AFG1L: variants seen among roughly 807,000 people sequenced by gnomAD.
The protein encoded by AFG1L is AFG1 like ATPase.
In AFG1L, 53 loss-of-function variants were observed where a neutral mutation model predicts 62.2. The ratio of observed to expected loss-of-function variants is 0.85; its 90% CI spans 0.68 to 1.07. The LOEUF (loss-of-function observed/expected upper bound fraction) is 1.07, where lower values mean the gene tolerates loss of function less well. Among genes scored for constraint, AFG1L ranks in the 50% least tolerant of loss-of-function variants. AFG1L has a pLI of 0.00. For missense variants in AFG1L, 555 were observed against 590.5 expected, an observed-to-expected ratio of 0.94 and a Z score of 0.62; for synonymous variants, 228 against 210.3, an observed-to-expected ratio of 1.08 and a Z score of -0.73.
intron 6 of AFG1L, among the ~76,000 whole-genome samples, chr6:108,376,404 G>A (rs984350726): frequency 6.6e-6 from 1 of 151,896 alleles, no homozygotes; most frequent in African/African-American, 2.4e-5. Context: ...ATGTTGGATT[G>A]TTGATTAGTA....
intron 1 of AFG1L, among the ~76,000 whole-genome samples, chr6:108,316,351 A>AG (rs1248217037): frequency 8.9e-6 from 1 of 112,832 alleles, no homozygotes; most frequent in South Asian, 3.8e-4. Context: ...ACTGCACTCC[A>AG]GCCTGGGCGA....
At chr6:108,449,376 AGTC>A (rs1315229917) in intron 8 of AFG1L, among the ~76,000 whole-genome samples, 1 of 152,160 alleles carries the variant, frequency 6.6e-6, no homozygotes, top group East Asian at 1.9e-4. Flanking sequence ...GGCACCCCTC[AGTC>A]AGAGGAGAAG....
chr6:108,356,784 C>T lies in AFG1L; in HGVS notation c.612C>T (p.Ser204=), dbSNP rs752068948. ...TAGCTCCCATAGCCGAAGAAATCAG[C>T]GAAGAAGCATGTCTCCTATGTTTTG... ...DPIAPIAEEI[S]EEACLLCFDE... is the part of the protein sequence containing the mutation. The change falls in exon 5 of 13, where the codon AGC becomes AGT. Residue 204 remains serine (S), a synonymous_variant. Transcript: ENST00000368977. 1.5e-5 allele frequency: 24 copies of T among 1,612,808 alleles called. No homozygotes were observed. Among genetic ancestry groups the T allele is most frequent in the Non-Finnish European group, 1.8e-5 (21 of 1,179,440 alleles).
chr6:108,450,599 T>C (rs1772011652), intron 8 of AFG1L, among the ~76,000 whole-genome samples: 1 of 152,212 alleles, frequency 6.6e-6, no homozygotes, highest in Non-Finnish European at 1.5e-5. Context: ...AGCGCTTTAG[T>C]TTAATTAGAT....
At chr6:108,414,858 C>T (rs186028892) in intron 7 of AFG1L, among the ~76,000 whole-genome samples, 46 of 152,266 alleles carry the variant, frequency 3.0e-4, no homozygotes, top group Admixed American at 9.2e-4. Flanking sequence ...TGAAAACTGG[C>T]ACAAGACAGG....
At chr6:108,513,366 A>T (rs1774741488) in intron 11 of AFG1L, among the ~76,000 whole-genome samples, 1 of 152,192 alleles carries the variant, frequency 6.6e-6, no homozygotes, top group East Asian at 1.9e-4. Flanking sequence ...TTTCCTAGCG[A>T]AGGAAAGGGG....
chr6:108,302,136 G>A lies in AFG1L; in HGVS notation c.139+6918G>A, dbSNP rs562020807. On this transcript the variant is annotated intron_variant, in intron 1 of 12. Transcript: ENST00000368977. ...TAATTTTTGTATTTTTAGTAGAGGC[G>A]GGGTTTCACCATGTTGGCCAGGCTG... is the stretch of plus-strand genomic sequence containing the variant. Among the ~76,000 whole-genome samples, 11 of 152,040 alleles carry A rather than the reference G, an allele frequency of 7.2e-5. 1 individual carries two copies. The East Asian group carries it at 1.9e-3, about 27-fold the overall frequency.
At chr6:108,341,548 CAGG>C (rs1778684166) in intron 2 of AFG1L, among the ~76,000 whole-genome samples, 1 of 152,108 alleles carries the variant, frequency 6.6e-6, no homozygotes, top group Admixed American at 6.5e-5. Context: ...AAGGAGACAG[CAGG>C]TTGGAGAGTT....
intron 11 of AFG1L, among the ~76,000 whole-genome samples, chr6:108,512,863 AT>A (rs1419885737): frequency 1.3e-5 from 2 of 152,224 alleles, no homozygotes; most frequent in African/African-American, 2.4e-5. Flanking sequence ...AATTGGTAGC[AT>A]TAAACAGACA....
intron 11 of AFG1L, among the ~76,000 whole-genome samples, chr6:108,512,922 A>T (rs998112786): frequency 2.6e-5 from 4 of 152,206 alleles, no homozygotes; most frequent in Non-Finnish European, 5.9e-5. Context: ...GGATATACCC[A>T]TGTAAATAAT....
intron 1 of AFG1L, among the ~76,000 whole-genome samples, chr6:108,303,302 C>A (rs982892951): frequency 1.3e-5 from 2 of 152,160 alleles, no homozygotes; most frequent in Admixed American, 6.6e-5. Context: ...CTGCCTTGGC[C>A]TCCCGAAGTG....
At chr6:108,303,788 G>A (rs111670535) in intron 1 of AFG1L, among the ~76,000 whole-genome samples, 2,842 of 152,188 alleles carry the variant, frequency 0.019, 46 homozygotes, top group Middle Eastern at 0.071. Context: ...TTATATATGT[G>A]TGTGTATAAA....
At chr6:108,474,546 G>A (rs12211430) in intron 8 of AFG1L, among the ~76,000 whole-genome samples, 56,719 of 151,940 alleles carry the variant, frequency 0.37, 11,093 homozygotes, top group Non-Finnish European at 0.45. Context: ...ACCAGCATCT[G>A]TTGTTTCTTG....
At chr6:108,482,010 G>A (rs1288750749) in intron 10 of AFG1L, among the ~76,000 whole-genome samples, 12 of 152,302 alleles carry the variant, frequency 7.9e-5, no homozygotes, top group Non-Finnish European at 1.5e-5. Flanking sequence ...GCAAACAAGT[G>A]AAAATTAGAA....
intron 7 of AFG1L, among the ~76,000 whole-genome samples, chr6:108,421,310 ACT>A (rs1770578412): frequency 6.6e-6 from 1 of 152,128 alleles, no homozygotes; most frequent in African/African-American, 2.4e-5. Context: ...TATTGAGGAA[ACT>A]CTAAAAAGCC....
chr6:108,309,094 G>A (rs577488793), intron 1 of AFG1L, among the ~76,000 whole-genome samples: 5 of 152,242 alleles, frequency 3.3e-5, no homozygotes, highest in South Asian at 4.1e-4. Flanking sequence ...TCAAGGTCAC[G>A]AAGGTATTTT....
chr6:108,483,884 C>A (rs1052146109), intron 10 of AFG1L, among the ~76,000 whole-genome samples: 36 of 152,094 alleles, frequency 2.4e-4, no homozygotes, highest in African/African-American at 8.7e-4. Flanking sequence ...TGTATATATC[C>A]TTAGACTTAT....
intron 7 of AFG1L, among the ~76,000 whole-genome samples, chr6:108,444,203 C>T (rs1160936411): frequency 1.3e-5 from 2 of 152,046 alleles, no homozygotes; most frequent in Non-Finnish European, 2.9e-5. Flanking sequence ...CTTTTGGTTT[C>T]TCAGTGCATA....
At position 108,349,145 on chromosome 6, in the gene AFG1L, C is replaced by T. The variant is rs886643990; in HGVS notation, c.415+2106C>T. ...AGGAATTCTGAAATGGGAAGTGAGA[C>T]GAACATTTTGGTGGCTATAATAAGT... is the stretch of plus-strand genomic sequence containing the variant. On this transcript the variant is annotated intron_variant, in intron 3 of 12. Coordinates refer to ENST00000368977, the MANE Select transcript of AFG1L (RefSeq NM_145315.5). Among the ~76,000 whole-genome samples, 10 of 152,142 alleles carry T rather than the reference C, an allele frequency of 6.6e-5. No individual in the cohort carries two copies. In the East Asian group the frequency reaches 1.2e-3, roughly 18 times the overall value.
Sources: allele counts gnomAD v4.1 joint callset (sites outside exome capture counted in the v4.1 genomes callset), GRCh38; gene constraint gnomAD v4.1.1; transcripts MANE v1.5; gene names NCBI Gene and HGNC (gene_info 2026-07-23, HGNC 2026-07-21).